The following PCDH11X variants were observed in gnomAD, a reference collection of about 807,000 sequenced individuals.
PCDH11X encodes the protein protocadherin 11 X-linked, also known as protocadherin-11 X-linked.
PCDH11X carries 18 observed loss-of-function variants against 53.3 expected under a neutral mutation model. The ratio of observed to expected loss-of-function variants is 0.34; its 90% CI spans 0.23 to 0.50. The LOEUF (loss-of-function observed/expected upper bound fraction) is 0.50, where lower values mean the gene tolerates loss of function less well. Among genes scored for constraint, PCDH11X ranks in the 20% least tolerant of loss-of-function variants. The pLI, the probability that PCDH11X is intolerant of heterozygous loss-of-function variation, is 0.98. For synonymous variants in PCDH11X, 279 were observed against 393.3 expected, an observed-to-expected ratio of 0.71 and a Z score of 3.44; for missense variants, 570 against 1,032.4, an observed-to-expected ratio of 0.55 and a Z score of 6.14.
At chrX:91,869,137 A>G (rs1216703310) in intron 5 of PCDH11X, among the ~76,000 whole-genome samples, 5 of 110,612 alleles carry the variant, frequency 4.5e-5, no homozygotes, top group Non-Finnish European at 9.5e-5. Context: ...TCTTTTTTCA[A>G]TAAACATTAC....
chrX:91,946,048 C>A (rs967976010), intron 6 of PCDH11X, among the ~76,000 whole-genome samples: 11 of 109,315 alleles, frequency 1.0e-4, no homozygotes, highest in Non-Finnish European at 2.1e-4. Flanking sequence ...CATACACATG[C>A]TGAATCCTCT....
intron 7 of PCDH11X, among the ~76,000 whole-genome samples, chrX:92,212,542 G>A (rs2066611822): frequency 9.1e-6 from 1 of 110,489 alleles, no homozygotes; most frequent in Non-Finnish European, 1.9e-5. Context: ...TAGAGACCGG[G>A]TTTCTCCATG....
At chrX:92,208,596 TAGA>T (rs377213240) in intron 7 of PCDH11X, among the ~76,000 whole-genome samples, 55 of 92,182 alleles carry the variant, frequency 6.0e-4, no homozygotes, top group African/African-American at 2.1e-3. Flanking sequence ...TCTATTCAGC[TAGA>T]AGAACACCTG....
intron 9 of PCDH11X, among the ~76,000 whole-genome samples, chrX:92,419,325 G>T (rs1391084660): frequency 8.2e-5 from 6 of 72,770 alleles, no homozygotes; most frequent in East Asian, 4.6e-4. Context: ...TTGTTACGTT[G>T]CCCCAGCTGG....
chrX:92,266,871 A>T (rs1490591599), intron 8 of PCDH11X, among the ~76,000 whole-genome samples: 1 of 108,761 alleles, frequency 9.2e-6, no homozygotes, highest in East Asian at 2.9e-4. Flanking sequence ...CAGCCTCCCG[A>T]TTAGCTGGGA....
At chrX:92,439,630 T>C (rs1400827095) in intron 9 of PCDH11X, among the ~76,000 whole-genome samples, 1 of 110,228 alleles carries the variant, frequency 9.1e-6, no homozygotes, top group African/African-American at 3.3e-5. Flanking sequence ...ACTGCTTGAC[T>C]CATTTTAAAC....
At chrX:91,846,389 G>A (rs985650707) in intron 5 of PCDH11X, among the ~76,000 whole-genome samples, 44 of 110,578 alleles carry the variant, frequency 4.0e-4, no homozygotes, top group Non-Finnish European at 6.6e-4. Flanking sequence ...AGGCCGTGGC[G>A]GGCGGATCAC....
intron 5 of PCDH11X, among the ~76,000 whole-genome samples, chrX:91,861,389 T>A (rs778488679): frequency 1.1e-3 from 121 of 110,283 alleles, no homozygotes; most frequent in African/African-American, 3.8e-3. Flanking sequence ...AACCCCTGAC[T>A]GGAGTTGCTG....
At chrX:92,594,381 A>G (rs1925350361) in intron 10 of PCDH11X, among the ~76,000 whole-genome samples, 1 of 111,327 alleles carries the variant, frequency 9.0e-6, no homozygotes, top group East Asian at 2.8e-4. Context: ...ATCATACAGG[A>G]AGCATTGTCA....
chrX:92,449,715 T>C (rs1196897230), intron 9 of PCDH11X, among the ~76,000 whole-genome samples: 2 of 110,709 alleles, frequency 1.8e-5, no homozygotes, highest in Non-Finnish European at 3.8e-5. Flanking sequence ...ATTCTGGAGG[T>C]CATTATCATG....
At chrX:92,334,408 T>G (rs897551407) in intron 8 of PCDH11X, among the ~76,000 whole-genome samples, 1 of 111,786 alleles carries the variant, frequency 8.9e-6, no homozygotes, top group Non-Finnish European at 1.9e-5. Context: ...AGCTGAAGTG[T>G]TGCAAGTATC....
At chrX:92,394,015 G>A (rs1056485439) in intron 9 of PCDH11X, among the ~76,000 whole-genome samples, 7 of 110,505 alleles carry the variant, frequency 6.3e-5, no homozygotes, top group East Asian at 2.8e-4. Flanking sequence ...CACGTCTTAC[G>A]ATACCATCCT....
At chrX:91,833,670 A>G (rs776228027) in intron 4 of PCDH11X, among the ~76,000 whole-genome samples, 119 of 112,183 alleles carry the variant, frequency 1.1e-3, no homozygotes, top group Non-Finnish European at 2.0e-3. Context: ...GACCTAAACT[A>G]TCTTGATTGT....
chrX:92,333,765 G>A lies in PCDH11X; in HGVS notation c.3145-53970G>A, dbSNP rs767871750. 4.5e-5 allele frequency among the ~76,000 whole-genome samples: 5 copies of A among 109,963 alleles called. No individual in the cohort carries two copies. The South Asian group carries it at 1.6e-3, about 35-fold the overall frequency. ...AAATCATCTATGATATTTTTGGAAAGTAAAGTTCAATTAAGCAACACACAC... is the reference window on the plus strand; with the variant it reads ...AAATCATCTATGATATTTTTGGAAAATAAAGTTCAATTAAGCAACACACAC... On this transcript the variant is annotated intron_variant, in intron 8 of 10. Transcript: ENST00000682573.
intron 6 of PCDH11X, among the ~76,000 whole-genome samples, chrX:92,091,489 A>G (rs1461981446): frequency 2.7e-5 from 3 of 111,614 alleles, no homozygotes; most frequent in African/African-American, 9.8e-5. Flanking sequence ...ATGAGTGGCC[A>G]TGGCCCGTGA....
chrX:92,607,379 C>G (rs1387175355), intron 10 of PCDH11X, among the ~76,000 whole-genome samples: 1 of 111,056 alleles, frequency 9.0e-6, no homozygotes, highest in African/African-American at 3.3e-5. Context: ...ACCCAACTGT[C>G]CGAATAAAGG....
At chrX:91,925,681 A>G (rs747586721) in intron 6 of PCDH11X, among the ~76,000 whole-genome samples, 4 of 110,947 alleles carry the variant, frequency 3.6e-5, no homozygotes, top group Admixed American at 1.9e-4. Context: ...TGAATAGTTT[A>G]CCATTAAATT....
intron 6 of PCDH11X, among the ~76,000 whole-genome samples, chrX:92,045,756 A>G (rs187956748): frequency 1.9e-5 from 2 of 107,844 alleles, no homozygotes; most frequent in East Asian, 5.9e-4. Flanking sequence ...CCTGGCCAAC[A>G]TGGTGAAACC....
At chrX:92,355,669 C>T (rs1221115253) in intron 8 of PCDH11X, among the ~76,000 whole-genome samples, 1 of 105,344 alleles carries the variant, frequency 9.5e-6, no homozygotes, top group Non-Finnish European at 1.9e-5. Flanking sequence ...ATTTTTTTTG[C>T]AAATATCATA....
Sources: allele counts gnomAD v4.1 joint callset (sites outside exome capture counted in the v4.1 genomes callset), GRCh38; gene constraint gnomAD v4.1.1; transcripts MANE v1.5; gene names NCBI Gene and HGNC (gene_info 2026-07-23, HGNC 2026-07-21).